SYT10: variants seen among roughly 807,000 people sequenced by gnomAD.
The protein encoded by SYT10 is synaptotagmin 10.
A neutral mutation model predicts 51.1 loss-of-function variants in SYT10; 31 were observed. That is an observed-to-expected ratio of 0.61 (90% CI 0.46 to 0.82). The LOEUF (loss-of-function observed/expected upper bound fraction) is 0.82. Ranked by LOEUF, SYT10 falls within the 40% of genes least tolerant of loss-of-function variation. The pLI, the probability that SYT10 is intolerant of heterozygous loss-of-function variation, is 0.00. For synonymous variants in SYT10, 233 were observed against 225.9 expected (o/e 1.03, Z -0.28); for missense variants, 603 against 634.0 (o/e 0.95, Z 0.53).
rs1419870035 is a variant in SYT10, at chr12:33,406,725, A to T, written c.1077+64T>A. ...AAGGCTTATTCCGATAATTTGGGTAATAATTAGTCACATAGCATTGTAAGT... is the reference window on the plus strand; with the variant it reads ...AAGGCTTATTCCGATAATTTGGGTATTAATTAGTCACATAGCATTGTAAGT... On this transcript the variant is annotated intron_variant, in intron 3 of 6. Coordinates refer to ENST00000228567, the MANE Select transcript of SYT10 (RefSeq NM_198992.4). 5.9e-6 allele frequency: 8 copies of T among 1,346,832 alleles called. No individual in the cohort carries two copies. In the African/African-American group the frequency reaches 1.2e-4, roughly 20 times the overall value. The allele number at this position is 1,346,832 out of a possible 1,614,324, so 83.4% of individuals were successfully genotyped here. A position where few individuals can be genotyped will look rare whatever the true frequency, so the allele number is the denominator to read the frequency against.
chr12:33,403,856 A>C (rs1253950763), intron 3 of SYT10, among the ~76,000 whole-genome samples: 1 of 152,152 alleles, frequency 6.6e-6, no homozygotes, highest in Non-Finnish European at 1.5e-5. Flanking sequence ...GGCTGAACAG[A>C]AATTTTAATT....
intron 1 of SYT10, 151 bp downstream of exon 1, chr12:33,439,221 G>A (rs1285349674): frequency 9.9e-7 from 1 of 1,007,270 alleles, no homozygotes; most frequent in Non-Finnish European, 1.4e-6. Context: ...AAGTCGTCAG[G>A]AGCTGAGCGA....
chr12:33,412,393 T>G (rs1446240222), intron 2 of SYT10, among the ~76,000 whole-genome samples: 1 of 118,948 alleles, frequency 8.4e-6, no homozygotes, highest in African/African-American at 3.2e-5. Context: ...AACACAGATA[T>G]TTTTTTTCTT....
chr12:33,406,773 T>C lies in SYT10; in HGVS notation c.1077+16A>G. The stretch of plus-strand genomic sequence containing the variant: ...AGTCAAATAAAAAACAATATATTGG[T>C]GGAATTACTACTTACTGTGGTAGCA... On this transcript the variant is annotated intron_variant, in intron 3 of 6. Coordinates refer to ENST00000228567, the MANE Select transcript of SYT10 (RefSeq NM_198992.4). The C allele has an allele frequency of 6.4e-7, 1 of 1,567,788 alleles. No homozygotes were observed. The highest frequency in any genetic ancestry group is 8.6e-7 in the Non-Finnish European group (1 of 1,159,256).
chr12:33,414,780 C>T (rs1866438858), intron 2 of SYT10, among the ~76,000 whole-genome samples: 1 of 152,144 alleles, frequency 6.6e-6, no homozygotes, highest in African/African-American at 2.4e-5. Context: ...TCAAATCTAG[C>T]ACTGTCCAAG....
At chr12:33,437,199 C>T (rs2138444422) in intron 1 of SYT10, among the ~76,000 whole-genome samples, 1 of 152,326 alleles carries the variant, frequency 6.6e-6, no homozygotes, top group East Asian at 1.9e-4. Flanking sequence ...TCATACACAA[C>T]TTAGTAGAAT....
chr12:33,415,686 A>C (rs1303014174), intron 2 of SYT10, among the ~76,000 whole-genome samples: 1 of 152,194 alleles, frequency 6.6e-6, no homozygotes, highest in Non-Finnish European at 1.5e-5. Context: ...CCATTTCATA[A>C]AGAGGCTTGA....
chr12:33,426,086 A>G, intron 2 of SYT10, 52 bp downstream of exon 2: 1 of 1,499,422 alleles, frequency 6.7e-7, no homozygotes, highest in African/African-American at 1.4e-5. Context: ...ACACACACAC[A>G]CACACACACA....
Position 33,426,162 on chromosome 12 carries a change from A to G in SYT10, c.485T>C (p.Ile162Thr). The G allele has an allele frequency of 6.2e-7, 1 of 1,606,164 alleles. No individual in the cohort carries two copies. Among genetic ancestry groups the G allele is most frequent in the Non-Finnish European group, 8.5e-7 (1 of 1,178,046 alleles). ...CCGGGTTGATGACGTAGGCTCAGTAATTTGTCTTTGCACACGTGCATGTTT... is the reference window on the plus strand; with the variant it reads ...CCGGGTTGATGACGTAGGCTCAGTAGTTTGTCTTTGCACACGTGCATGTTT... ...LIKHARVQRQITEPTSSTRHS... is the reference protein window; with the variant it reads ...LIKHARVQRQTTEPTSSTRHS... Residue 162 changes from isoleucine (I) to threonine (T), a missense_variant, in exon 2 of 7, where the codon ATT (isoleucine) becomes ACT (threonine). Physicochemically the swap from Ile to Thr is moderately conservative, Grantham distance 89. Transcript: ENST00000228567.
chr12:33,407,418 C>T (rs939511480), intron 2 of SYT10, 62 bp from the exon 3 acceptor site: 10 of 1,541,948 alleles, frequency 6.5e-6, no homozygotes, highest in Non-Finnish European at 8.7e-6. Flanking sequence ...GAATGTTATA[C>T]AGTGACATAT....
intron 3 of SYT10, among the ~76,000 whole-genome samples, chr12:33,398,920 A>G (rs1866280346): frequency 6.6e-6 from 1 of 152,212 alleles, no homozygotes; most frequent in East Asian, 1.9e-4. Context: ...TAAGTGACAC[A>G]GCAGGAGTAT....
chr12:33,423,485 C>T (rs1369732514), intron 2 of SYT10, among the ~76,000 whole-genome samples: 1 of 151,992 alleles, frequency 6.6e-6, no homozygotes, highest in Non-Finnish European at 1.5e-5. Context: ...TCAGCAATTT[C>T]CTCTTCCTCT....
At chr12:33,419,884 A>G (rs1427751287) in intron 2 of SYT10, among the ~76,000 whole-genome samples, 1 of 152,210 alleles carries the variant, frequency 6.6e-6, no homozygotes, top group Non-Finnish European at 1.5e-5. Context: ...AAAATTCTCA[A>G]TAATAACTGG....
At chr12:33,384,834 C>T (rs535923789) in intron 4 of SYT10, among the ~76,000 whole-genome samples, 12 of 152,144 alleles carry the variant, frequency 7.9e-5, no homozygotes, top group Non-Finnish European at 1.6e-4. Context: ...CCTCACTCAT[C>T]GCTTAAGCCT....
At chr12:33,439,103 G>A (rs772199243) in intron 1 of SYT10, among the ~76,000 whole-genome samples, 4 of 152,362 alleles carry the variant, frequency 2.6e-5, no homozygotes, top group Non-Finnish European at 5.9e-5. Flanking sequence ...GAGAGGCGCG[G>A]CGAGGCTGGG....
chr12:33,394,270 T>A (rs2138399454), intron 3 of SYT10, among the ~76,000 whole-genome samples: 1 of 152,374 alleles, frequency 6.6e-6, no homozygotes, highest in East Asian at 1.9e-4. Flanking sequence ...GTCTCTGGTT[T>A]ACTGAATTAA....
At chr12:33,416,610 A>G (rs1000337785) in intron 2 of SYT10, among the ~76,000 whole-genome samples, 2 of 151,888 alleles carry the variant, frequency 1.3e-5, no homozygotes, top group East Asian at 1.9e-4. Context: ...GGTTCAATGA[A>G]CTCCTCTCTT....
intron 3 of SYT10, among the ~76,000 whole-genome samples, chr12:33,388,985 T>C (rs1419745534): frequency 1.3e-5 from 2 of 152,174 alleles, no homozygotes; most frequent in Non-Finnish European, 2.9e-5. Flanking sequence ...CCTCCATAAC[T>C]AGAAGGTCTA....
rs148212936 is a variant in SYT10, at chr12:33,375,243, A to T, written c.*1587T>A. On this transcript the variant is annotated 3_prime_UTR_variant, in exon 7 of 7. Transcript: ENST00000228567. ...CCTTTAAAATGGTAATGTGCAAAAT[A>T]TTTACCTCTTAATTAACAGTAATGC... 4 of 152,126 alleles carry T rather than the reference A, an allele frequency of 2.6e-5. No homozygotes were observed. Among genetic ancestry groups the T allele is most frequent in the Admixed American group, 1.3e-4 (2 of 15,272 alleles). 9.4% of individuals were successfully genotyped at this position (152,126 alleles called of 1,614,324 possible). A position where few individuals can be genotyped will look rare whatever the true frequency, so the allele number is the denominator to read the frequency against.
Sources: allele counts gnomAD v4.1 joint callset (sites outside exome capture counted in the v4.1 genomes callset), GRCh38; gene constraint gnomAD v4.1.1; transcripts MANE v1.5; gene names NCBI Gene and HGNC (gene_info 2026-07-23, HGNC 2026-07-21).